Variants in TENT5D observed in about 807,000 individuals in gnomAD.
TENT5D encodes the protein cancer/testis antigen 112.
For synonymous variants in TENT5D, 103 were observed against 100.6 expected (o/e 1.02, Z -0.15); for missense variants, 191 against 287.0 (o/e 0.67, Z 2.42).
In TENT5D at chrX:80,421,672, C is replaced by A. The variant is rs549269906; in HGVS notation, c.-142+1109C>A. Among the ~76,000 whole-genome samples, 3 of 111,810 alleles carry A rather than the reference C, an allele frequency of 2.7e-5. No homozygotes were observed. The South Asian group carries it at 1.1e-3, about 42-fold the overall frequency. On this transcript the variant is annotated intron_variant, in intron 1 of 2. Coordinates refer to ENST00000308293, the Ensembl canonical transcript of TENT5D. ...TTGAAATTGTTTCTTTAAAGAATGC[C>A]ATTATCATTCACCCTTTTTCTCCTA...
intron 1 of TENT5D, among the ~76,000 whole-genome samples, chrX:80,437,603 T>C (rs1032428757): frequency 6.3e-5 from 7 of 111,700 alleles, no homozygotes; most frequent in Admixed American, 5.7e-4. Flanking sequence ...TATTTTTTTC[T>C]GAAATAGGTA....
intron 3 of TENT5D, among the ~76,000 whole-genome samples, chrX:80,356,870 C>G (rs914262572): frequency 5.4e-5 from 6 of 111,142 alleles, no homozygotes; most frequent in African/African-American, 2.0e-4. Context: ...ATTAACTCTT[C>G]ATTTAACATT....
chrX:80,337,645 G>A (rs1929877796), intron 2 of TENT5D, among the ~76,000 whole-genome samples: 1 of 112,157 alleles, frequency 8.9e-6, no homozygotes. Flanking sequence ...TATCTGTTCT[G>A]GTGATGGACA....
chrX:80,386,325 A>G (rs1052864443), intron 3 of TENT5D, among the ~76,000 whole-genome samples: 6 of 111,001 alleles, frequency 5.4e-5, no homozygotes, highest in Admixed American at 3.9e-4. Flanking sequence ...TCACAATGGC[A>G]TGTTCTCACT....
At chrX:80,358,114 G>A (rs1331200199) in intron 3 of TENT5D, among the ~76,000 whole-genome samples, 1 of 111,531 alleles carries the variant, frequency 9.0e-6, no homozygotes, top group East Asian at 2.8e-4. Context: ...TTAGCCATAT[G>A]TAGAAAGCTG....
At chrX:80,432,521 G>C (rs1179261345) in intron 1 of TENT5D, among the ~76,000 whole-genome samples, 1 of 111,889 alleles carries the variant, frequency 8.9e-6, no homozygotes, top group Non-Finnish European at 1.9e-5. Flanking sequence ...GTTTGCTCTT[G>C]AGAGAAGAAA....
chrX:80,431,269 G>A (rs913810188), intron 1 of TENT5D, among the ~76,000 whole-genome samples: 1 of 111,064 alleles, frequency 9.0e-6, no homozygotes, highest in Non-Finnish European at 1.9e-5. Flanking sequence ...AATAGGGTAT[G>A]GGGCCTGATC....
intron 3 of TENT5D, among the ~76,000 whole-genome samples, chrX:80,347,274 A>G (rs1930082948): frequency 9.0e-6 from 1 of 111,625 alleles, no homozygotes; most frequent in African/African-American, 3.3e-5. Flanking sequence ...CAATGGTTGA[A>G]CTAATTTACA....
At position 80,347,124 on chromosome X, in the gene TENT5D, G is replaced by C. The variant is rs1423641763; in HGVS notation, c.-142+4560G>C. ...CCAAGTCTTTGCTATTGTAAATATT[G>C]CTGCAATAAACATATGTGTGCATGT... On this transcript the variant is annotated intron_variant, in intron 3 of 4. Transcript: ENST00000538312. Among the ~76,000 whole-genome samples the C allele has an allele frequency of 3.6e-5, 4 of 111,561 alleles. No individual in the cohort carries two copies. The East Asian group carries it at 1.1e-3, about 31-fold the overall frequency.
At chrX:80,345,119 A>G (rs1930033713) in intron 3 of TENT5D, among the ~76,000 whole-genome samples, 1 of 111,995 alleles carries the variant, frequency 8.9e-6, no homozygotes. Context: ...CTGCTTCCTC[A>G]AAGAATGGTC....
chrX:80,416,388 G>T (rs767503369), upstream of TENT5D, among the ~76,000 whole-genome samples: 38 of 96,535 alleles, frequency 3.9e-4, no homozygotes, highest in South Asian at 1.8e-3. Flanking sequence ...ATGTTAGTTG[G>T]TTTTTTTTTT....
chrX:80,337,196 T>C lies in TENT5D; in HGVS notation c.-207+1480T>C, dbSNP rs1929868444. Among the ~76,000 whole-genome samples, 8 of 112,037 alleles carry C rather than the reference T, an allele frequency of 7.1e-5. No homozygotes were observed. In the Admixed American group the frequency reaches 7.6e-4, roughly 11 times the overall value. ...GAAAATATAAAAAGGAAAGAAAATA[T>C]AACATTTTAGTTGTATATTAAATAT... On this transcript the variant is annotated intron_variant, in intron 2 of 4. Transcript: ENST00000538312.
chrX:80,386,505 T>C (rs1458282303), intron 3 of TENT5D, among the ~76,000 whole-genome samples: 1 of 110,444 alleles, frequency 9.1e-6, no homozygotes, highest in Non-Finnish European at 1.9e-5. Context: ...TGTATACATA[T>C]GTAACAAACA....
chrX:80,429,372 G>A (rs1387872145), intron 1 of TENT5D, among the ~76,000 whole-genome samples: 3 of 110,847 alleles, frequency 2.7e-5, no homozygotes, highest in Non-Finnish European at 3.8e-5. Context: ...GCACAATCTC[G>A]GCTCATTGAA....
chrX:80,440,511 C>T (rs1932263833), intron 2 of TENT5D, among the ~76,000 whole-genome samples: 1 of 110,180 alleles, frequency 9.1e-6, no homozygotes, highest in African/African-American at 3.3e-5. Context: ...TATAAGTGTC[C>T]TGTCAACTTT....
Position 80,442,650 on chromosome X carries a change from G to C in TENT5D, c.111G>C (p.Glu37Asp), listed in dbSNP as rs749977497. 6 of 1,208,907 alleles carry C rather than the reference G, an allele frequency of 5.0e-6. No homozygotes were observed. In the East Asian group the frequency reaches 1.8e-4, roughly 36 times the overall value. Reference sequence around the variant, plus strand: ...GAAAGGGGAATTTCCCCACAATGGAGGTAAAACCAAAAGACATCATTCATG... The same window carrying C: ...GAAAGGGGAATTTCCCCACAATGGACGTAAAACCAAAAGACATCATTCATG... Residue 37 changes from glutamate to aspartate, a missense_variant, in exon 3 of 3, where the codon GAG becomes GAC. Coordinates refer to ENST00000308293, the Ensembl canonical transcript of TENT5D.
At position 80,367,418 on chromosome X, in the gene TENT5D, A is replaced by G. The variant is rs138382556; in HGVS notation, c.-142+24854A>G. The stretch of plus-strand genomic sequence containing the variant: ...GGGGATGTGAATTAGTAAAACCACT[A>G]TGGAAATGGTTTGGAGGTTCTTCAA... On this transcript the variant is annotated intron_variant, in intron 3 of 4. Coordinates refer to the TENT5D transcript ENST00000538312. Among the ~76,000 whole-genome samples, 548 of 111,394 alleles carry G rather than the reference A, an allele frequency of 4.9e-3. 4 individuals are homozygous for G. The highest frequency in any genetic ancestry group is 0.017 in the African/African-American group (510 of 30,733).
chrX:80,390,915 A>G (rs1931112312), intron 3 of TENT5D, among the ~76,000 whole-genome samples: 1 of 112,106 alleles, frequency 8.9e-6, no homozygotes, highest in African/African-American at 3.2e-5. Context: ...ATAGAAACAA[A>G]TATAATTACC....
intron 3 of TENT5D, among the ~76,000 whole-genome samples, chrX:80,343,474 C>T (rs1454701282): frequency 2.8e-5 from 3 of 105,878 alleles, no homozygotes; most frequent in Admixed American, 2.0e-4. Context: ...CTCGGCTCAC[C>T]GCAACCTCCG....
Sources: allele counts gnomAD v4.1 joint callset (sites outside exome capture counted in the v4.1 genomes callset), GRCh38; gene constraint gnomAD v4.1.1; transcripts MANE v1.5; gene names NCBI Gene and HGNC (gene_info 2026-07-23, HGNC 2026-07-21).